NYAP2: variants seen among roughly 807,000 people sequenced by gnomAD.
NYAP2 encodes neuronal tyrosine-phosphorylated phosphoinositide-3-kinase adaptor 2.
Under a neutral mutation model 50.4 loss-of-function variants are expected in NYAP2, and 23 were observed. The observed-to-expected ratio is 0.46, with a 90% confidence interval of 0.33 to 0.65. The LOEUF is 0.65. Ranked by LOEUF, NYAP2 falls within the 30% of genes least tolerant of loss-of-function variation. The pLI, the probability that NYAP2 is intolerant of heterozygous loss-of-function variation, is 0.02. For missense variants in NYAP2, 885 were observed against 861.0 expected, an observed-to-expected ratio of 1.03 and a Z score of -0.35; for synonymous variants, 394 against 365.2, an observed-to-expected ratio of 1.08 and a Z score of -0.90.
At chr2:225,598,305 AT>A (rs1692640208) in intron 5 of NYAP2, among the ~76,000 whole-genome samples, 1 of 152,202 alleles carries the variant, frequency 6.6e-6, no homozygotes, top group Non-Finnish European at 1.5e-5. Context: ...TTCAAATGTA[AT>A]TTTTAAAAAT....
At chr2:225,693,520 G>A in the NYAP2 span, among the ~76,000 whole-genome samples, 1 of 151,968 alleles carries the variant, frequency 6.6e-6, no homozygotes, top group Non-Finnish European at 1.5e-5. Flanking sequence ...ACTATACACT[G>A]GGTAGCTTAT....
chr2:225,694,959 T>C, the NYAP2 span, among the ~76,000 whole-genome samples: 20 of 151,934 alleles, frequency 1.3e-4, no homozygotes, highest in East Asian at 3.5e-3. Context: ...AAAAAAGTTA[T>C]TTTCTTTTTC....
intron 2 of NYAP2, among the ~76,000 whole-genome samples, chr2:225,401,346 G>T (rs1210072326): frequency 6.6e-6 from 1 of 151,948 alleles, no homozygotes; most frequent in Non-Finnish European, 1.5e-5. Context: ...TGTTTTCCAG[G>T]GTATTAATTG....
At chr2:225,504,832 ATCCCG>A (rs1690674405) in intron 3 of NYAP2, among the ~76,000 whole-genome samples, 1 of 152,048 alleles carries the variant, frequency 6.6e-6, no homozygotes, top group Non-Finnish European at 1.5e-5. Context: ...AGGTGGTGAA[ATCCCG>A]TCTCTACTAA....
chr2:225,623,642 C>A (rs1693161604), intron 5 of NYAP2, among the ~76,000 whole-genome samples: 1 of 152,192 alleles, frequency 6.6e-6, no homozygotes, highest in Non-Finnish European at 1.5e-5. Flanking sequence ...AACACCCTCA[C>A]AAATAACTGA....
At chr2:225,498,940 T>G (rs2106176167) in intron 3 of NYAP2, among the ~76,000 whole-genome samples, 1 of 152,302 alleles carries the variant, frequency 6.6e-6, no homozygotes, top group African/African-American at 2.4e-5. Context: ...CGCAGTATTT[T>G]GTTGAGAGGG....
intron 3 of NYAP2, among the ~76,000 whole-genome samples, chr2:225,463,728 C>T (rs1689871459): frequency 6.6e-6 from 1 of 152,196 alleles, no homozygotes; most frequent in Non-Finnish European, 1.5e-5. Context: ...CAGAAAATCC[C>T]TATGCAGGTC....
At chr2:225,585,311 C>T (rs1224032130) in intron 5 of NYAP2, among the ~76,000 whole-genome samples, 1 of 152,142 alleles carries the variant, frequency 6.6e-6, no homozygotes, top group Non-Finnish European at 1.5e-5. Context: ...CCCTACCTAT[C>T]AGCTTCTTTG....
downstream of NYAP2, among the ~76,000 whole-genome samples, chr2:225,655,490 C>A (rs918273835): frequency 4.6e-5 from 7 of 152,130 alleles, no homozygotes; most frequent in African/African-American, 1.7e-4. Context: ...TAAAAAAAGT[C>A]AAACTGCACA....
upstream of NYAP2, among the ~76,000 whole-genome samples, chr2:225,398,824 G>A (rs1694811532): frequency 6.6e-6 from 1 of 152,004 alleles, no homozygotes; most frequent in Non-Finnish European, 1.5e-5. Context: ...AATAAGTGAT[G>A]AGCTTCAGGA....
chr2:225,429,401 T>C (rs180738285), intron 3 of NYAP2, among the ~76,000 whole-genome samples: 82 of 152,304 alleles, frequency 5.4e-4, no homozygotes, highest in African/African-American at 1.9e-3. Context: ...AGCTTTCACA[T>C]CGGATCCGTA....
At chr2:225,495,532 A>AATCTCTATG (rs1463860319) in intron 3 of NYAP2, among the ~76,000 whole-genome samples, 3 of 152,140 alleles carry the variant, frequency 2.0e-5, no homozygotes, top group Non-Finnish European at 4.4e-5. Flanking sequence ...CTCTACCCCT[A>AATCTCTATG]ATCTCTATGT....
chr2:225,420,747 A>T (rs1391552586), intron 3 of NYAP2, among the ~76,000 whole-genome samples: 1 of 151,618 alleles, frequency 6.6e-6, no homozygotes, highest in African/African-American at 2.4e-5. Flanking sequence ...AGTAGCTCGG[A>T]CTACATATGT....
chr2:225,401,443 A>G (rs1017409662), intron 2 of NYAP2, among the ~76,000 whole-genome samples: 28 of 152,188 alleles, frequency 1.8e-4, no homozygotes, highest in African/African-American at 6.3e-4. Flanking sequence ...TTATGTCAGC[A>G]GTGAGAGCCC....
intron 4 of NYAP2, among the ~76,000 whole-genome samples, chr2:225,530,025 G>C (rs1217859614): frequency 2.0e-5 from 3 of 152,146 alleles, no homozygotes; most frequent in Non-Finnish European, 4.4e-5. Flanking sequence ...TATTTTTTTA[G>C]AGAGTATACC....
chr2:225,449,658 G>C (rs1037773319), intron 3 of NYAP2, among the ~76,000 whole-genome samples: 1 of 140,534 alleles, frequency 7.1e-6, no homozygotes, highest in Non-Finnish European at 1.5e-5. Context: ...GCCCAGGCTG[G>C]AGTGCAGAGG....
At chr2:225,423,091 T>G (rs1695239785) in intron 3 of NYAP2, among the ~76,000 whole-genome samples, 1 of 152,102 alleles carries the variant, frequency 6.6e-6, no homozygotes, top group Non-Finnish European at 1.5e-5. Context: ...TTCTATCACT[T>G]CTTACAAGAT....
At chr2:225,528,578 G>C (rs1691196617) in intron 4 of NYAP2, among the ~76,000 whole-genome samples, 1 of 152,214 alleles carries the variant, frequency 6.6e-6, no homozygotes, top group South Asian at 2.1e-4. Flanking sequence ...TAAAATTAGA[G>C]TGTGCATAAA....
intron 2 of NYAP2, among the ~76,000 whole-genome samples, chr2:225,406,948 G>A (rs1345641694): frequency 1.3e-5 from 2 of 151,906 alleles, no homozygotes; most frequent in African/African-American, 4.8e-5. Context: ...AAAACCTTTG[G>A]GTAATAATGC....
Sources: allele counts gnomAD v4.1 joint callset (sites outside exome capture counted in the v4.1 genomes callset), GRCh38; gene constraint gnomAD v4.1.1; transcripts MANE v1.5; gene names NCBI Gene and HGNC (gene_info 2026-07-23, HGNC 2026-07-21).